The following PSTPIP2 variants were observed in gnomAD, a reference collection of about 807,000 sequenced individuals.
PSTPIP2 encodes the protein proline-serine-threonine phosphatase interacting protein 2.
PSTPIP2 carries 33 observed loss-of-function variants against 63.3 expected under a neutral mutation model. The ratio of observed to expected loss-of-function variants is 0.52; its 90% CI spans 0.40 to 0.70. The LOEUF (loss-of-function observed/expected upper bound fraction) is 0.70. PSTPIP2 is among the 30% of genes least tolerant of loss of function. The pLI is 0.00. For missense variants in PSTPIP2, 312 were observed against 400.7 expected, an observed-to-expected ratio of 0.78 and a Z score of 1.89; for synonymous variants, 125 against 132.7, an observed-to-expected ratio of 0.94 and a Z score of 0.40.
At chr18:46,060,303 C>A (rs1463598470) in intron 1 of PSTPIP2, among the ~76,000 whole-genome samples, 3 of 152,130 alleles carry the variant, frequency 2.0e-5, no homozygotes, top group African/African-American at 7.2e-5. Context: ...CATTCATTAT[C>A]TAAATTTTTA....
At chr18:46,065,144 C>CAAAAAAAAAA (rs35144990) in intron 1 of PSTPIP2, among the ~76,000 whole-genome samples, 94 of 80,540 alleles carry the variant, frequency 1.2e-3, no homozygotes, top group East Asian at 2.8e-3. Flanking sequence ...AACTCTGTCT[C>CAAAAAAAAAA]AAAAAAAAAA....
intron 5 of PSTPIP2, among the ~76,000 whole-genome samples, chr18:46,006,859 T>C (rs1005066566): frequency 1.3e-5 from 2 of 152,250 alleles, no homozygotes; most frequent in Non-Finnish European, 2.9e-5. Context: ...GCAGTTTTCA[T>C]GCATCACAAC....
intron 2 of PSTPIP2, among the ~76,000 whole-genome samples, chr18:46,026,949 G>A (rs1024933865): frequency 1.3e-5 from 2 of 152,044 alleles, no homozygotes; most frequent in African/African-American, 4.8e-5. Context: ...CTTTCTGCAG[G>A]TATACAAATA....
At chr18:46,028,611 C>T in intron 2 of PSTPIP2, 2 of 795,306 alleles carry the variant, frequency 2.5e-6, no homozygotes, top group Non-Finnish European at 4.3e-6. Flanking sequence ...TAATTGTGCA[C>T]CTCAAAAGAA....
At chr18:46,019,582 T>C (rs1247237580) in intron 3 of PSTPIP2, among the ~76,000 whole-genome samples, 3 of 152,038 alleles carry the variant, frequency 2.0e-5, no homozygotes, top group Non-Finnish European at 4.4e-5. Context: ...GGGAGGATCA[T>C]TTGAGGTCAG....
intron 2 of PSTPIP2, chr18:46,028,886 C>T: frequency 6.3e-7 from 1 of 1,581,512 alleles, no homozygotes. Flanking sequence ...TTCATATCCA[C>T]ATCAACTTCT....
chr18:46,070,371 A>C (rs576126168), intron 1 of PSTPIP2, among the ~76,000 whole-genome samples: 185 of 150,550 alleles, frequency 1.2e-3, no homozygotes, highest in African/African-American at 4.4e-3. Context: ...CTCCGCTAAG[A>C]CCTCCCCGTA....
At chr18:46,006,501 G>A (rs757872403) in intron 5 of PSTPIP2, among the ~76,000 whole-genome samples, 1 of 149,580 alleles carries the variant, frequency 6.7e-6, no homozygotes, top group Non-Finnish European at 1.5e-5. Flanking sequence ...AGCCTCCCAA[G>A]TCACTGGGAT....
At chr18:46,067,288 A>G (rs1909226496) in intron 1 of PSTPIP2, among the ~76,000 whole-genome samples, 1 of 151,592 alleles carries the variant, frequency 6.6e-6, no homozygotes, top group Admixed American at 6.6e-5. Flanking sequence ...GGATCACGAG[A>G]TCAGGAGATC....
intron 1 of PSTPIP2, among the ~76,000 whole-genome samples, chr18:46,067,864 C>T (rs1375639829): frequency 6.6e-6 from 1 of 152,196 alleles, no homozygotes; most frequent in Non-Finnish European, 1.5e-5. Context: ...CTAAATTTAA[C>T]TAGTCTGAAG....
chr18:46,030,701 G>C (rs1907759210), intron 2 of PSTPIP2, among the ~76,000 whole-genome samples: 1 of 152,204 alleles, frequency 6.6e-6, no homozygotes, highest in Non-Finnish European at 1.5e-5. Flanking sequence ...TGCCAAAATA[G>C]TTCAAGGGTA....
chr18:46,014,363 G>T (rs1452648421), intron 4 of PSTPIP2, among the ~76,000 whole-genome samples: 3 of 151,850 alleles, frequency 2.0e-5, no homozygotes, highest in Non-Finnish European at 4.4e-5. Context: ...ACCCTGGGAA[G>T]AAAAGAATAA....
chr18:46,029,296 A>AT, intron 2 of PSTPIP2: 1 of 1,473,070 alleles, frequency 6.8e-7, no homozygotes, highest in Non-Finnish European at 9.5e-7. Context: ...ATTGCTGGGT[A>AT]TTTGCATTTG....
chr18:46,068,821 A>G (rs1909288468), intron 1 of PSTPIP2, among the ~76,000 whole-genome samples: 1 of 152,200 alleles, frequency 6.6e-6, no homozygotes, highest in African/African-American at 2.4e-5. Flanking sequence ...GAGAAAAACC[A>G]TTGAGCAAAG....
At chr18:46,014,901 C>T (rs1442765222) in intron 4 of PSTPIP2, among the ~76,000 whole-genome samples, 1 of 152,048 alleles carries the variant, frequency 6.6e-6, no homozygotes, top group African/African-American at 2.4e-5. Flanking sequence ...GTACATTCTT[C>T]ATGTAAAAGT....
rs1207482799 is a variant in PSTPIP2, at chr18:46,009,388, A to AC, written c.354+1792_354+1793insG. On this transcript the variant is annotated intron_variant, in intron 5 of 14. Transcript: ENST00000409746. ...AAAAAAAAAAAAAAAAAAAAAAAAA[A>AC]AAACCTAGCTAAATACGGAAGTGGT... 1.1e-4 allele frequency among the ~76,000 whole-genome samples: 12 copies of AC among 108,154 alleles called. 1 individual carries two copies. Among genetic ancestry groups the AC allele is most frequent in the Non-Finnish European group, 3.7e-5 (2 of 53,720 alleles). The allele number at this position is 108,154 out of a possible 152,430, so 71.0% of individuals were successfully genotyped here. A position where few individuals can be genotyped will look rare whatever the true frequency, so the allele number is the denominator to read the frequency against.
intron 1 of PSTPIP2, among the ~76,000 whole-genome samples, chr18:46,066,133 A>G (rs1354509259): frequency 6.6e-6 from 1 of 151,748 alleles, no homozygotes; most frequent in Non-Finnish European, 1.5e-5. Context: ...TGAGCTCAGG[A>G]GTTTGAGACC....
chr18:46,029,293 G>T, intron 2 of PSTPIP2: 1 of 1,460,212 alleles, frequency 6.8e-7, no homozygotes, highest in Non-Finnish European at 9.6e-7. Context: ...GGCATTGCTG[G>T]GTATTTGCAT....
intron 1 of PSTPIP2, among the ~76,000 whole-genome samples, chr18:46,050,528 A>G (rs1312704744): frequency 1.3e-5 from 2 of 152,140 alleles, no homozygotes; most frequent in Non-Finnish European, 2.9e-5. Flanking sequence ...ACTCCAGCCT[A>G]GGCAGTGGAA....
Sources: gnomAD v4.1 joint callset for allele counts (sites outside exome capture counted in the v4.1 genomes callset) on GRCh38, gnomAD v4.1.1 for gene constraint, MANE v1.5 for transcripts, NCBI Gene and HGNC (gene_info 2026-07-23, HGNC 2026-07-21) for gene names.